Variants in NNMT observed in about 807,000 individuals in gnomAD.
The protein encoded by NNMT is nicotinamide N-methyltransferase.
In NNMT, 10 loss-of-function variants were observed where a neutral mutation model predicts 11.7. That is an observed-to-expected ratio of 0.85 (90% CI 0.53 to 1.45). NNMT has a LOEUF of 1.45. Among genes scored for constraint, NNMT ranks in the 40% most tolerant of loss-of-function variants. NNMT has a pLI of 0.00. For synonymous variants in NNMT, 143 were observed against 133.8 expected, an observed-to-expected ratio of 1.07 and a Z score of -0.48; for missense variants, 381 against 319.4, an observed-to-expected ratio of 1.19 and a Z score of -1.47.
chr11:114,273,579 C>G (rs1229520957), intron 2 of NNMT, among the ~76,000 whole-genome samples: 1 of 152,148 alleles, frequency 6.6e-6, no homozygotes, highest in African/African-American at 2.4e-5. Context: ...GTGGCTCATG[C>G]CTGTAATCCC....
At chr11:114,276,579 G>A (rs1945215120) in intron 2 of NNMT, among the ~76,000 whole-genome samples, 1 of 152,186 alleles carries the variant, frequency 6.6e-6, no homozygotes, top group South Asian at 2.1e-4. Flanking sequence ...AAACAGAGAG[G>A]TTTATAATAT....
At chr11:114,267,557 A>G (rs1945131473) in intron 2 of NNMT, among the ~76,000 whole-genome samples, 2 of 152,192 alleles carry the variant, frequency 1.3e-5, no homozygotes, top group Non-Finnish European at 1.5e-5. Flanking sequence ...AATGAATTAC[A>G]TATATTTCTA....
At chr11:114,277,133 G>A (rs1182338993) in intron 2 of NNMT, among the ~76,000 whole-genome samples, 1 of 152,116 alleles carries the variant, frequency 6.6e-6, no homozygotes, top group African/African-American at 2.4e-5. Flanking sequence ...TGAAGCAGGA[G>A]AATCTCTTGA....
At chr11:114,265,795 C>A (rs1259464677) in intron 2 of NNMT, among the ~76,000 whole-genome samples, 1 of 152,158 alleles carries the variant, frequency 6.6e-6, no homozygotes, top group African/African-American at 2.4e-5. Flanking sequence ...AACCCATTAA[C>A]CATGATTAAA....
chr11:114,279,958 G>A (rs1167915224), intron 2 of NNMT, among the ~76,000 whole-genome samples: 1 of 152,136 alleles, frequency 6.6e-6, no homozygotes, highest in African/African-American at 2.4e-5. Flanking sequence ...TGAAGGTGGT[G>A]GTGGACTAGG....
At chr11:114,286,759 G>T (rs575076455) in intron 2 of NNMT, among the ~76,000 whole-genome samples, 1 of 152,292 alleles carries the variant, frequency 6.6e-6, no homozygotes, top group South Asian at 2.1e-4. Flanking sequence ...TCATGTTTAT[G>T]TGCCAGATTT....
At chr11:114,304,428 C>G (rs1329418164) in intron 2 of NNMT, among the ~76,000 whole-genome samples, 1 of 152,178 alleles carries the variant, frequency 6.6e-6, no homozygotes, top group Non-Finnish European at 1.5e-5. Context: ...CTCTGTTGGA[C>G]ATTGCATTTT....
chr11:114,313,164 A>T lies in NNMT; in HGVS notation c.*687A>T, dbSNP rs1317521311. The T allele has an allele frequency of 1.3e-5, 2 of 152,248 alleles. No homozygotes were observed. The highest frequency in any genetic ancestry group is 2.1e-4 in the South Asian group (1 of 4,834). 9.4% of individuals were successfully genotyped at this position (152,248 alleles called of 1,614,324 possible). ...CTCATCTATAAAATGAGATTAAAAT[A>T]GTCTTTTTATTAAGAGAATTAAAGT... On this transcript the variant is annotated 3_prime_UTR_variant, in exon 3 of 3. Coordinates refer to ENST00000299964, the MANE Select transcript of NNMT (RefSeq NM_006169.3).
intron 2 of NNMT, among the ~76,000 whole-genome samples, chr11:114,288,156 G>T (rs1565723552): frequency 6.6e-6 from 1 of 151,988 alleles, no homozygotes; most frequent in Non-Finnish European, 1.5e-5. Flanking sequence ...ATATCATCAT[G>T]TTATCTGCTA....
chr11:114,306,949 C>T (rs116406376), intron 2 of NNMT, among the ~76,000 whole-genome samples: 1 of 152,196 alleles, frequency 6.6e-6, no homozygotes, highest in Non-Finnish European at 1.5e-5. Context: ...GTTCCACAAA[C>T]TAGTGAACCA....
upstream of NNMT, among the ~76,000 whole-genome samples, chr11:114,295,314 C>A (rs1273809635): frequency 6.6e-6 from 1 of 151,960 alleles, no homozygotes; most frequent in Non-Finnish European, 1.5e-5. Flanking sequence ...GGTTTTGTGA[C>A]CAGTGGGAAT....
intron 2 of NNMT, among the ~76,000 whole-genome samples, chr11:114,290,767 G>C (rs535400711): frequency 6.6e-6 from 1 of 152,176 alleles, no homozygotes; most frequent in African/African-American, 2.4e-5. Flanking sequence ...CTAGTGGCAA[G>C]CTTTTAGTTT....
Position 114,262,256 on chromosome 11 carries a change from T to C in NNMT, c.-216-592T>C, listed in dbSNP as rs184030882. 4.4e-4 allele frequency among the ~76,000 whole-genome samples: 67 copies of C among 152,288 alleles called. 1 individual carries two copies. Among genetic ancestry groups the C allele is most frequent in the East Asian group, 5.8e-4 (3 of 5,188 alleles). On this transcript the variant is annotated intron_variant, in intron 1 of 4. Transcript: ENST00000535401. Reference sequence around the variant, plus strand: ...GTGCCGGATGTGCAGGTTTGTTCCATAGGCAAACATGCGCCTTGGTGGTTT... The same window carrying C: ...GTGCCGGATGTGCAGGTTTGTTCCACAGGCAAACATGCGCCTTGGTGGTTT...
rs561800612 is a variant in NNMT at position 114,282,371 on chromosome 11, G to A, written c.-129-14057G>A. 3.3e-5 allele frequency among the ~76,000 whole-genome samples: 5 copies of A among 152,282 alleles called. No homozygotes were observed. The East Asian group carries it at 9.6e-4, about 29-fold the overall frequency. ...TTTACAGTGAATAAAACCAACAGGG[G>A]ACAGATATTTTCTAGAATATACAAG... On this transcript the variant is annotated intron_variant, in intron 2 of 4. Transcript: ENST00000535401.
intron 2 of NNMT, among the ~76,000 whole-genome samples, chr11:114,286,153 T>A (rs147872580): frequency 7.2e-5 from 11 of 152,286 alleles, no homozygotes; most frequent in African/African-American, 2.6e-4. Context: ...AAAGAAACAC[T>A]AGGTCCTGCC....
At chr11:114,267,474 C>T (rs907897370) in intron 2 of NNMT, among the ~76,000 whole-genome samples, 7 of 152,004 alleles carry the variant, frequency 4.6e-5, no homozygotes, top group African/African-American at 9.7e-5. Context: ...ACTACAAATG[C>T]CAATACCTAC....
intron 2 of NNMT, among the ~76,000 whole-genome samples, chr11:114,306,380 T>C (rs1005233758): frequency 6.6e-6 from 1 of 152,224 alleles, no homozygotes; most frequent in Non-Finnish European, 1.5e-5. Flanking sequence ...ATTTTGGCTT[T>C]TGTTGCTATT....
At chr11:114,286,311 T>C (rs1249808335) in intron 2 of NNMT, among the ~76,000 whole-genome samples, 1 of 152,190 alleles carries the variant, frequency 6.6e-6, no homozygotes, top group Non-Finnish European at 1.5e-5. Context: ...AACATTTACA[T>C]AGAGCATAAA....
intron 1 of NNMT, among the ~76,000 whole-genome samples, chr11:114,261,025 A>G (rs1224436832): frequency 4.6e-5 from 7 of 152,218 alleles, no homozygotes; most frequent in African/African-American, 1.7e-4. Flanking sequence ...GACGTGAATC[A>G]GCTTTCTAAA....
Sources: gnomAD v4.1 joint callset for allele counts (sites outside exome capture counted in the v4.1 genomes callset) on GRCh38, gnomAD v4.1.1 for gene constraint, MANE v1.5 for transcripts, NCBI Gene and HGNC (gene_info 2026-07-23, HGNC 2026-07-21) for gene names.